Variants in LHX8 observed in about 807,000 individuals in gnomAD.
LHX8 encodes the protein LIM/homeobox protein Lhx8.
LHX8 carries 12 observed loss-of-function variants against 40.3 expected under a neutral mutation model. The observed-to-expected ratio is 0.30, with a 90% CI of 0.19 to 0.48. The LOEUF (loss-of-function observed/expected upper bound fraction) is 0.48, where lower values mean the gene tolerates loss of function less well. LHX8 is among the 20% of genes least tolerant of loss of function. The pLI is 0.99. For synonymous variants in LHX8, 179 were observed against 162.0 expected, an observed-to-expected ratio of 1.10 and a Z score of -0.80; for missense variants, 344 against 433.7, an observed-to-expected ratio of 0.79 and a Z score of 1.84.
chr1:75,178,693 G>C, the LHX8 span, among the ~76,000 whole-genome samples: 33 of 151,930 alleles, frequency 2.2e-4, 2 homozygotes, highest in Admixed American at 2.0e-3. Flanking sequence ...TCTGATCTTA[G>C]TTATTTCTTG....
At chr1:75,195,278 C>A in the LHX8 span, among the ~76,000 whole-genome samples, 1 of 152,076 alleles carries the variant, frequency 6.6e-6, no homozygotes, top group South Asian at 2.1e-4. Context: ...GGTGAAGTAA[C>A]TTTCCCGAGA....
chr1:75,156,203 T>C (rs1051070365), intron 7 of LHX8, among the ~76,000 whole-genome samples: 57 of 99,132 alleles, frequency 5.7e-4, no homozygotes, highest in Non-Finnish European at 7.5e-4. Context: ...GGTACTTTTG[T>C]TTGGGCTTTG....
intron 6 of LHX8, among the ~76,000 whole-genome samples, 164 bp downstream of exon 6, chr1:75,144,112 T>C (rs2100342099): frequency 6.6e-6 from 1 of 152,328 alleles, no homozygotes; most frequent in Non-Finnish European, 1.5e-5. Context: ...CTTATTGCCC[T>C]AAAGTGTTTG....
intron 8 of LHX8, chr1:75,159,777 G>T (rs966422064): frequency 6.6e-6 from 1 of 152,088 alleles, no homozygotes; most frequent in Non-Finnish European, 1.5e-5. Context: ...ATAATTTGAG[G>T]CTGTGGATGA....
chr1:75,143,046 G>A (rs1261355993), intron 4 of LHX8, 72 bp from the exon 5 acceptor site: 10 of 1,163,324 alleles, frequency 8.6e-6, no homozygotes, highest in Non-Finnish European at 1.2e-5. Flanking sequence ...TAATGTGCTG[G>A]TTTAATATTC....
chr1:75,132,150 G>A (rs1647990419), upstream of LHX8, among the ~76,000 whole-genome samples: 1 of 152,114 alleles, frequency 6.6e-6, no homozygotes, highest in Admixed American at 6.5e-5. Context: ...GGTAAGAGGC[G>A]TGACGCGAGC....
In LHX8 at chr1:75,143,347, G is replaced by A. The variant is rs748952412; in HGVS notation, c.580+9G>A. The A allele has an allele frequency of 1.3e-6, 2 of 1,591,752 alleles. No individual in the cohort carries two copies. The highest frequency in any genetic ancestry group is 3.4e-5 in the Admixed American group (2 of 59,616). Reference sequence around the variant, plus strand: ...AAGAGAAGTAGAAAATGGTAAATATGTACTTAAATACTTTTGAGTCTTTTG... The same window carrying A: ...AAGAGAAGTAGAAAATGGTAAATATATACTTAAATACTTTTGAGTCTTTTG... On this transcript the variant is annotated intron_variant, in intron 5 of 8. Transcript: ENST00000356261.
chr1:75,159,788 T>C (rs764188869), intron 8 of LHX8: 2 of 152,166 alleles, frequency 1.3e-5, no homozygotes, highest in African/African-American at 4.8e-5. Flanking sequence ...CTGTGGATGA[T>C]ATCTTTCACT....
rs1414218575 is a variant in LHX8, at chr1:75,140,985, G to T, written c.238G>T (p.Val80Leu). The change falls in exon 4 of 9, where the codon GTG becomes TTG. Residue 80 changes from valine to leucine, a missense_variant and splice_region_variant. Transcript: ENST00000356261. ...LEIVDKYLLK[V>L]NDLCWHVRCL... The stretch of plus-strand genomic sequence containing the variant: ...ACAATGGCTTCTCTTCCCTTCACAG[G>T]TGAATGACCTATGCTGGCATGTCCG... The T allele has an allele frequency of 6.2e-7, 1 of 1,613,458 alleles. No homozygotes were observed. Among genetic ancestry groups the T allele is most frequent in the Admixed American group, 1.7e-5 (1 of 60,020 alleles).
chr1:75,134,995 C>A (rs535201008), intron 1 of LHX8, 41 bp downstream of exon 1: 895 of 941,142 alleles, frequency 9.5e-4, no homozygotes, highest in Non-Finnish European at 1.1e-3. Context: ...GTGATCGTGG[C>A]GGTCCGGGAG....
intron 5 of LHX8, 51 bp from the exon 6 acceptor site, chr1:75,143,794 G>T: frequency 7.7e-7 from 1 of 1,306,198 alleles, no homozygotes; most frequent in Non-Finnish European, 1.1e-6. Context: ...ATTGTAAGAT[G>T]GGTGTACCCA....
At chr1:75,187,827 T>C in the LHX8 span, among the ~76,000 whole-genome samples, 2 of 152,084 alleles carry the variant, frequency 1.3e-5, no homozygotes, top group African/African-American at 4.8e-5. Context: ...GGAAGATTCC[T>C]AGGGACAGAG....
upstream of LHX8, chr1:75,130,898 C>T: frequency 2.8e-6 from 2 of 726,594 alleles, no homozygotes; most frequent in Non-Finnish European, 5.0e-6. Context: ...GAGATTTCAC[C>T]TTCAGGGATC....
upstream of LHX8, chr1:75,130,499 G>A (rs957520383): frequency 4.9e-6 from 3 of 612,180 alleles, no homozygotes; most frequent in Non-Finnish European, 8.8e-6. Context: ...TGCCCAGCTG[G>A]GAAGCCCATC....
At chr1:75,130,783 A>G, upstream of LHX8, 1 of 1,580,098 alleles carries the variant, frequency 6.3e-7, no homozygotes, top group Non-Finnish European at 8.7e-7. Context: ...GTCTTTTTCC[A>G]GACTAATATT....
chr1:75,183,972 G>A, the LHX8 span, among the ~76,000 whole-genome samples: 1 of 152,046 alleles, frequency 6.6e-6, no homozygotes, highest in Admixed American at 6.5e-5. Flanking sequence ...AGCCAGATTT[G>A]CAATCCTAAT....
chr1:75,136,460 C>T (rs940830457), intron 1 of LHX8, 143 bp from the exon 2 acceptor site: 3 of 510,244 alleles, frequency 5.9e-6, no homozygotes, highest in Middle Eastern at 4.9e-4. Flanking sequence ...GGCGCCCGGG[C>T]TCAGGCGCCG....
intron 7 of LHX8, among the ~76,000 whole-genome samples, chr1:75,156,386 T>C (rs1191844164): frequency 1.3e-5 from 2 of 151,898 alleles, no homozygotes; most frequent in Non-Finnish European, 2.9e-5. Flanking sequence ...GGATTATAGG[T>C]ACCAACCACC....
In LHX8 at chr1:75,155,523, T is replaced by C. The variant is rs112222856; in HGVS notation, c.781-1370T>C. Among the ~76,000 whole-genome samples, 846 of 152,232 alleles carry C rather than the reference T, an allele frequency of 5.6e-3. 1 individual carries two copies. The highest frequency in any genetic ancestry group is 0.014 in the African/African-American group (569 of 41,552). On this transcript the variant is annotated intron_variant, in intron 7 of 8. Coordinates refer to ENST00000356261, the MANE Select transcript of LHX8 (RefSeq NM_001256114.2). Reference sequence around the variant, plus strand: ...TGCTGGGATTACAGGAGTGAGCCACTGCGCCCGGCCCATGAAGAAACACTC... The same window carrying C: ...TGCTGGGATTACAGGAGTGAGCCACCGCGCCCGGCCCATGAAGAAACACTC...
Sources: allele counts gnomAD v4.1 joint callset (sites outside exome capture counted in the v4.1 genomes callset), GRCh38; gene constraint gnomAD v4.1.1; transcripts MANE v1.5; gene names NCBI Gene and HGNC (gene_info 2026-07-23, HGNC 2026-07-21).